The following C12orf42 variants were observed in gnomAD, a reference collection of about 807,000 sequenced individuals.
C12orf42 encodes the protein chromosome 12 open reading frame 42.
C12orf42 carries 25 observed loss-of-function variants against 21.6 expected under a neutral mutation model. The ratio of observed to expected loss-of-function variants is 1.16; its 90% CI spans 0.84 to 1.62. C12orf42 has a LOEUF of 1.62. Ranked by LOEUF, C12orf42 falls within the 40% of genes most tolerant of loss-of-function variation. The probability of loss-of-function intolerance (pLI) is 0.00; values close to 1 mark genes in which losing one functional copy is unlikely to be tolerated. For missense variants in C12orf42, 483 were observed against 459.3 expected, an observed-to-expected ratio of 1.05 and a Z score of -0.47; for synonymous variants, 174 against 175.0, an observed-to-expected ratio of 0.99 and a Z score of 0.05.
At chr12:103,162,065 TA>T in the C12orf42 span, among the ~76,000 whole-genome samples, 1 of 152,070 alleles carries the variant, frequency 6.6e-6, no homozygotes, top group Non-Finnish European at 1.5e-5. Context: ...CCAGAGCAGC[TA>T]GTAGGGTTTA....
intron 2 of C12orf42, among the ~76,000 whole-genome samples, chr12:103,422,832 T>C (rs1170453101): frequency 2.7e-5 from 4 of 145,676 alleles, no homozygotes; most frequent in Non-Finnish European, 6.0e-5. Context: ...CCTGGGAACA[T>C]TAAAAAAAAA....
chr12:103,243,011 A>C (rs1303498430), intron 10 of C12orf42, among the ~76,000 whole-genome samples: 1 of 152,096 alleles, frequency 6.6e-6, no homozygotes, highest in East Asian at 1.9e-4. Flanking sequence ...ATCATAATTA[A>C]ACTCCAAATG....
chr12:103,079,791 G>C, the C12orf42 span, among the ~76,000 whole-genome samples: 9 of 152,160 alleles, frequency 5.9e-5, no homozygotes, highest in Admixed American at 5.9e-4. Context: ...GGGAATAGTA[G>C]ATTGGGAGAA....
intron 4 of C12orf42, among the ~76,000 whole-genome samples, chr12:103,367,855 T>C (rs1265788055): frequency 1.3e-5 from 2 of 152,082 alleles, no homozygotes; most frequent in Non-Finnish European, 2.9e-5. Flanking sequence ...TAAAATTACA[T>C]TACTCCAAGA....
At chr12:103,116,381 A>AAAAATATAT in the C12orf42 span, among the ~76,000 whole-genome samples, 22 of 136,700 alleles carry the variant, frequency 1.6e-4, no homozygotes, top group African/African-American at 5.7e-4. Flanking sequence ...AAAAAAAAAA[A>AAAAATATAT]ATATATATAT....
At chr12:103,327,850 GAA>G (rs1318721151) in intron 4 of C12orf42, among the ~76,000 whole-genome samples, 1 of 152,170 alleles carries the variant, frequency 6.6e-6, no homozygotes, top group Non-Finnish European at 1.5e-5. Flanking sequence ...CAGTATCTGG[GAA>G]AGAGTAAGAA....
At chr12:103,361,532 T>A (rs565176558) in intron 4 of C12orf42, among the ~76,000 whole-genome samples, 2 of 152,100 alleles carry the variant, frequency 1.3e-5, no homozygotes, top group East Asian at 1.9e-4. Context: ...TGGCCAGAAC[T>A]CAGAGGAGGG....
chr12:103,355,352 C>CAT (rs1305629419), intron 4 of C12orf42, among the ~76,000 whole-genome samples: 2 of 152,066 alleles, frequency 1.3e-5, no homozygotes, highest in African/African-American at 4.8e-5. Context: ...CTCTTGTCTG[C>CAT]ATATACTTCT....
chr12:103,139,252 A>T, the C12orf42 span, among the ~76,000 whole-genome samples: 1 of 151,988 alleles, frequency 6.6e-6, no homozygotes, highest in Non-Finnish European at 1.5e-5. Flanking sequence ...TTATAATAAT[A>T]ATTATTGTTA....
intron 3 of C12orf42, among the ~76,000 whole-genome samples, chr12:103,372,027 C>T (rs900402209): frequency 6.6e-6 from 1 of 152,124 alleles, no homozygotes; most frequent in Non-Finnish European, 1.5e-5. Context: ...AGAGTAAGCA[C>T]AGCCAGCAAT....
intron 2 of C12orf42, among the ~76,000 whole-genome samples, chr12:103,439,450 T>A (rs1951020978): frequency 1.7e-5 from 2 of 115,338 alleles, no homozygotes; most frequent in Admixed American, 1.9e-4. Flanking sequence ...CAAAAGAAAC[T>A]ACCATCAGAG....
At chr12:103,157,231 T>C in the C12orf42 span, among the ~76,000 whole-genome samples, 1 of 152,234 alleles carries the variant, frequency 6.6e-6, no homozygotes, top group Non-Finnish European at 1.5e-5. Flanking sequence ...GTCAGTAATG[T>C]TGAGCTTTTT....
At chr12:103,436,614 A>T (rs1415697633) in intron 2 of C12orf42, among the ~76,000 whole-genome samples, 2 of 150,984 alleles carry the variant, frequency 1.3e-5, no homozygotes, top group Non-Finnish European at 3.0e-5. Context: ...AGTCTCTGAT[A>T]AAACAGACTT....
chr12:103,524,470 C>T, the C12orf42 span, among the ~76,000 whole-genome samples: 7 of 152,318 alleles, frequency 4.6e-5, no homozygotes, highest in South Asian at 2.1e-4. Context: ...CAAGCCTCCA[C>T]GTGCCTTCTC....
chr12:103,536,278 G>C, the C12orf42 span, among the ~76,000 whole-genome samples: 1 of 152,132 alleles, frequency 6.6e-6, no homozygotes. Flanking sequence ...CAAGAGTAAG[G>C]GTGGTTGGGG....
the C12orf42 span, among the ~76,000 whole-genome samples, chr12:103,101,732 A>T: frequency 6.6e-6 from 1 of 152,208 alleles, no homozygotes; most frequent in African/African-American, 2.4e-5. Context: ...GTGGCTCAAA[A>T]CAATAACTAC....
chr12:103,411,143 C>T (rs185039568), intron 2 of C12orf42, among the ~76,000 whole-genome samples: 67 of 152,280 alleles, frequency 4.4e-4, no homozygotes, highest in East Asian at 1.2e-3. Flanking sequence ...CATTGCACAC[C>T]TGCAGATTCA....
At chr12:103,518,256 A>G in the C12orf42 span, among the ~76,000 whole-genome samples, 35 of 152,326 alleles carry the variant, frequency 2.3e-4, no homozygotes, top group African/African-American at 7.9e-4. Context: ...GTATTAAAAG[A>G]AGCCAGGTAG....
chr12:103,385,040 C>G (rs2046490540), intron 3 of C12orf42, among the ~76,000 whole-genome samples: 2 of 152,142 alleles, frequency 1.3e-5, no homozygotes, highest in African/African-American at 4.8e-5. Context: ...GCTCGTCAAG[C>G]CTCCACTTTG....
Sources: allele counts gnomAD v4.1 joint callset (sites outside exome capture counted in the v4.1 genomes callset), GRCh38; gene constraint gnomAD v4.1.1; transcripts MANE v1.5; gene names NCBI Gene and HGNC (gene_info 2026-07-23, HGNC 2026-07-21).